The following CSMD3 variants were observed in gnomAD, a reference collection of about 807,000 sequenced individuals.
CSMD3 encodes CUB and Sushi multiple domains 3.
In CSMD3, 177 loss-of-function variants were observed where a neutral mutation model predicts 435.2. The observed-to-expected ratio is 0.41, with a 90% CI of 0.36 to 0.46. The LOEUF is 0.46. Among genes scored for constraint, CSMD3 ranks in the 20% least tolerant of loss-of-function variants. The pLI is 0.34. For synonymous variants in CSMD3, 1,656 were observed against 1,520.5 expected (o/e 1.09, Z -2.07); for missense variants, 4,265 against 4,504.6 (o/e 0.95, Z 1.52).
At chr8:112,950,185 CA>C (rs901420770) in intron 8 of CSMD3, among the ~76,000 whole-genome samples, 2 of 151,696 alleles carry the variant, frequency 1.3e-5, no homozygotes, top group African/African-American at 4.8e-5. Flanking sequence ...AATATATTTT[CA>C]ACAAATATGT....
chr8:112,248,633 A>G (rs1279704206), intron 63 of CSMD3, among the ~76,000 whole-genome samples: 1 of 151,852 alleles, frequency 6.6e-6, no homozygotes, highest in Non-Finnish European at 1.5e-5. Flanking sequence ...CTTAATTCCT[A>G]CCCCCTCTTG....
intron 5 of CSMD3, among the ~76,000 whole-genome samples, chr8:113,060,357 G>C (rs1418212571): frequency 6.7e-6 from 1 of 150,044 alleles, no homozygotes; most frequent in Non-Finnish European, 1.5e-5. Flanking sequence ...GTATTCCATG[G>C]TGTATATGTG....
At chr8:112,976,324 C>T (rs2084847511) in intron 6 of CSMD3, among the ~76,000 whole-genome samples, 176 bp from the exon 7 acceptor site, 1 of 152,094 alleles carries the variant, frequency 6.6e-6, no homozygotes, top group Admixed American at 6.6e-5. Flanking sequence ...CGGTTTGTTT[C>T]TATCAACCAT....
chr8:113,326,200 C>A (rs11778755), intron 1 of CSMD3, among the ~76,000 whole-genome samples: 1 of 151,922 alleles, frequency 6.6e-6, no homozygotes, highest in African/African-American at 2.4e-5. Context: ...CCACATTTTA[C>A]GGTTCAATAA....
At chr8:112,427,993 C>T (rs565813887) in intron 32 of CSMD3, among the ~76,000 whole-genome samples, 40 of 152,240 alleles carry the variant, frequency 2.6e-4, no homozygotes, top group Non-Finnish European at 4.9e-4. Flanking sequence ...GGCAGTTTTG[C>T]TGTGGAATTG....
chr8:112,916,064 G>C (rs923379352), intron 10 of CSMD3, among the ~76,000 whole-genome samples: 1 of 151,872 alleles, frequency 6.6e-6, no homozygotes, highest in South Asian at 2.1e-4. Context: ...AAGATATTAA[G>C]CAAATGAGCA....
intron 5 of CSMD3, among the ~76,000 whole-genome samples, chr8:113,039,457 C>T (rs2087506946): frequency 6.6e-6 from 1 of 152,122 alleles, no homozygotes; most frequent in Non-Finnish European, 1.5e-5. Flanking sequence ...ACAACAGACA[C>T]AATTTACATA....
chr8:112,870,665 T>C (rs2081110078), intron 10 of CSMD3, among the ~76,000 whole-genome samples: 1 of 152,152 alleles, frequency 6.6e-6, no homozygotes, highest in East Asian at 1.9e-4. Flanking sequence ...TTAATTCATT[T>C]GTGAAGGCTG....
chr8:112,358,535 G>A (rs370862120), intron 38 of CSMD3, among the ~76,000 whole-genome samples: 1 of 152,108 alleles, frequency 6.6e-6, no homozygotes, highest in African/African-American at 2.4e-5. Flanking sequence ...ATTGAATCAT[G>A]GAGCAAGTCT....
At chr8:113,397,861 T>C (rs141009764) in intron 1 of CSMD3, among the ~76,000 whole-genome samples, 1 of 127,386 alleles carries the variant, frequency 7.9e-6, no homozygotes, top group Non-Finnish European at 1.7e-5. Flanking sequence ...AATAAATAAA[T>C]AAATAAAGAA....
chr8:112,314,661 C>T (rs1231603834), intron 47 of CSMD3, 44 bp from the exon 48 acceptor site: 1 of 1,383,814 alleles, frequency 7.2e-7, no homozygotes. Flanking sequence ...TCTTTTAGAG[C>T]CTCAGTGAAA....
At chr8:113,002,564 C>G (rs181925369) in intron 6 of CSMD3, among the ~76,000 whole-genome samples, 1 of 152,170 alleles carries the variant, frequency 6.6e-6, no homozygotes, top group East Asian at 1.9e-4. Context: ...GCTCAAGTAT[C>G]ATGCTGAACA....
intron 53 of CSMD3, among the ~76,000 whole-genome samples, chr8:112,300,980 T>G (rs1820869381): frequency 6.6e-6 from 1 of 152,132 alleles, no homozygotes; most frequent in Admixed American, 6.6e-5. Context: ...ATCAGCAATT[T>G]TTAAATTCGT....
At chr8:112,851,695 C>T (rs1027729848) in intron 11 of CSMD3, among the ~76,000 whole-genome samples, 1 of 150,904 alleles carries the variant, frequency 6.6e-6, no homozygotes, top group African/African-American at 2.4e-5. Context: ...ACCTGGGAGG[C>T]GAAGGTTGCA....
intron 5 of CSMD3, among the ~76,000 whole-genome samples, chr8:113,087,814 T>C (rs1361424830): frequency 2.0e-5 from 3 of 152,130 alleles, no homozygotes; most frequent in Non-Finnish European, 4.4e-5. Flanking sequence ...ACTTCATGTC[T>C]AAAACACCAA....
rs546114366 is a variant in CSMD3 at position 112,571,873 on chromosome 8, T to TA, written c.4042+1627dup. 9.5e-3 allele frequency among the ~76,000 whole-genome samples: 880 copies of TA among 92,760 alleles called. 3 individuals are homozygous for TA. Among genetic ancestry groups the TA allele is most frequent in the African/African-American group, 0.024 (569 of 23,840 alleles). 60.9% of individuals were successfully genotyped at this position (92,760 alleles called of 152,430 possible). ...AACAAGACTGAAACTCTGTCTCAAA[T>TA]AAAAAAAAAAAAAAGAAAGAAAGAA... is the stretch of plus-strand genomic sequence containing the variant. On this transcript the variant is annotated intron_variant, in intron 24 of 70. Transcript: ENST00000297405.
chr8:112,935,829 G>A (rs1359604957), intron 9 of CSMD3, among the ~76,000 whole-genome samples: 1 of 151,954 alleles, frequency 6.6e-6, no homozygotes, highest in Non-Finnish European at 1.5e-5. Context: ...TTAAAATATT[G>A]CTCTGTTTTG....
intron 11 of CSMD3, among the ~76,000 whole-genome samples, chr8:112,849,190 T>G (rs1357168197): frequency 6.6e-6 from 1 of 152,112 alleles, no homozygotes; most frequent in African/African-American, 2.4e-5. Flanking sequence ...AATTATATTC[T>G]TCTATGCCCA....
intron 24 of CSMD3, among the ~76,000 whole-genome samples, chr8:112,558,674 G>A (rs538365452): frequency 2.6e-5 from 4 of 151,990 alleles, no homozygotes; most frequent in South Asian, 2.1e-4. Context: ...TAATTGGTCG[G>A]TGCGAGGAAG....
Sources: allele counts gnomAD v4.1 joint callset (sites outside exome capture counted in the v4.1 genomes callset), GRCh38; gene constraint gnomAD v4.1.1; transcripts MANE v1.5; gene names NCBI Gene and HGNC (gene_info 2026-07-23, HGNC 2026-07-21).